The following KCNMA1 variants were observed in gnomAD, a reference collection of about 807,000 sequenced individuals.
The protein encoded by KCNMA1 is potassium calcium-activated channel subfamily M alpha 1, also known as Calcium-activated potassium channel subunit alpha-1.
A neutral mutation model predicts 140.0 loss-of-function variants in KCNMA1; 29 were observed. The ratio of observed to expected loss-of-function variants is 0.21; its 90% CI spans 0.15 to 0.28. KCNMA1 has a LOEUF of 0.28. Ranked by LOEUF, KCNMA1 falls within the 10% of genes least tolerant of loss-of-function variation. KCNMA1 has a pLI of 1.00. For synonymous variants in KCNMA1, 612 were observed against 611.9 expected, an observed-to-expected ratio of 1.00 and a Z score of 0.00; for missense variants, 880 against 1,602.2, an observed-to-expected ratio of 0.55 and a Z score of 7.70.
intron 1 of KCNMA1, among the ~76,000 whole-genome samples, chr10:77,472,082 C>CCA (rs889132691): frequency 6.7e-6 from 1 of 150,140 alleles, no homozygotes; most frequent in Non-Finnish European, 1.5e-5. Flanking sequence ...CATACACATA[C>CCA]CACACACACA....
intron 20 of KCNMA1, among the ~76,000 whole-genome samples, chr10:76,961,847 G>C (rs1276829877): frequency 6.6e-6 from 1 of 152,196 alleles, no homozygotes; most frequent in African/African-American, 2.4e-5. Context: ...CTACAGAAGA[G>C]TGTAAACCTA....
intron 1 of KCNMA1, among the ~76,000 whole-genome samples, chr10:77,463,877 G>T (rs1206286959): frequency 6.6e-6 from 1 of 152,128 alleles, no homozygotes; most frequent in Non-Finnish European, 1.5e-5. Context: ...GGAGCTGGAA[G>T]GGCTACTCCC....
At chr10:76,900,390 A>G (rs1331721452) in intron 25 of KCNMA1, among the ~76,000 whole-genome samples, 1 of 152,122 alleles carries the variant, frequency 6.6e-6, no homozygotes, top group Non-Finnish European at 1.5e-5. Context: ...AGACGTATTT[A>G]TGTGAAAGTA....
At chr10:77,484,433 G>A (rs1055009614) in intron 1 of KCNMA1, among the ~76,000 whole-genome samples, 1 of 152,264 alleles carries the variant, frequency 6.6e-6, no homozygotes, top group Non-Finnish European at 1.5e-5. Flanking sequence ...ACTGAGGCTA[G>A]ATATGCAGTA....
At chr10:77,013,926 A>G (rs1384473588) in intron 17 of KCNMA1, among the ~76,000 whole-genome samples, 2 of 152,202 alleles carry the variant, frequency 1.3e-5, no homozygotes, top group East Asian at 3.8e-4. Flanking sequence ...TTGTGAAAAG[A>G]TAAAGTTTGA....
intron 5 of KCNMA1, among the ~76,000 whole-genome samples, chr10:77,137,794 T>A (rs972022755): frequency 7.2e-5 from 11 of 152,164 alleles, no homozygotes; most frequent in African/African-American, 1.9e-4. Flanking sequence ...TTTAAAAAAA[T>A]TTTTTGAGAC....
At chr10:77,083,085 G>C (rs1255530692) in intron 12 of KCNMA1, among the ~76,000 whole-genome samples, 1 of 152,138 alleles carries the variant, frequency 6.6e-6, no homozygotes, top group African/African-American at 2.4e-5. Flanking sequence ...CCAAGCCACC[G>C]GTAGAGGGGG....
intron 2 of KCNMA1, among the ~76,000 whole-genome samples, chr10:77,326,627 T>C (rs569508543): frequency 6.6e-6 from 1 of 152,318 alleles, no homozygotes; most frequent in East Asian, 1.9e-4. Flanking sequence ...CCACTGCTTA[T>C]AGTGGTCTTG....
intron 1 of KCNMA1, among the ~76,000 whole-genome samples, chr10:77,585,283 G>T (rs1470570119): frequency 6.6e-6 from 1 of 152,152 alleles, no homozygotes; most frequent in Non-Finnish European, 1.5e-5. Context: ...CTAGCCGGGT[G>T]ACCTGAAGCA....
At chr10:77,506,147 C>T (rs1385591029) in intron 1 of KCNMA1, among the ~76,000 whole-genome samples, 1 of 152,174 alleles carries the variant, frequency 6.6e-6, no homozygotes, top group Non-Finnish European at 1.5e-5. Context: ...GGGTGAATCA[C>T]TCTTTGGTGA....
At chr10:77,439,671 G>A (rs545129406) in intron 1 of KCNMA1, among the ~76,000 whole-genome samples, 6 of 152,272 alleles carry the variant, frequency 3.9e-5, no homozygotes, top group South Asian at 2.1e-4. Flanking sequence ...GGCAGTACTC[G>A]GAAAAGGGCA....
intron 23 of KCNMA1, among the ~76,000 whole-genome samples, chr10:76,922,880 T>TG (rs2056389057): frequency 6.6e-6 from 1 of 152,322 alleles, no homozygotes; most frequent in Admixed American, 6.5e-5. Context: ...AAATGATTCA[T>TG]GCTGGCCTGA....
Position 77,403,843 on chromosome 10 carries a change from G to A in KCNMA1, c.540+19C>T. On this transcript the variant is annotated intron_variant, in intron 2 of 27. Transcript: ENST00000286628. ...CAGACAGCAAGGCCTCCTGGTGTGAGAAGTGGGTGGAGACTCACCAGGACT... is the reference window on the plus strand; with the variant it reads ...CAGACAGCAAGGCCTCCTGGTGTGAAAAGTGGGTGGAGACTCACCAGGACT... 2 of 1,606,554 alleles carry A rather than the reference G, an allele frequency of 1.2e-6. No individual in the cohort carries two copies. The highest frequency in any genetic ancestry group is 1.7e-6 in the Non-Finnish European group (2 of 1,174,812).
chr10:77,104,925 A>AAGG (rs1028432358), intron 9 of KCNMA1, among the ~76,000 whole-genome samples: 3 of 152,182 alleles, frequency 2.0e-5, no homozygotes, highest in African/African-American at 7.2e-5. Flanking sequence ...ACACAAAGGA[A>AAGG]AGGAGGAGGA....
chr10:76,974,399 C>T, intron 19 of KCNMA1: 1 of 791,612 alleles, frequency 1.3e-6, no homozygotes. Context: ...CATCGCTCTT[C>T]TTCAACTGAG....
At chr10:76,897,255 T>C (rs1292951761) in intron 25 of KCNMA1, among the ~76,000 whole-genome samples, 1 of 150,882 alleles carries the variant, frequency 6.6e-6, no homozygotes. Flanking sequence ...AAAAATAACC[T>C]GTCCTGAGCT....
At chr10:76,903,371 C>T (rs2046389325) in intron 25 of KCNMA1, 1 of 152,234 alleles carries the variant, frequency 6.6e-6, no homozygotes, top group Admixed American at 6.5e-5. Context: ...TTGTCATTTT[C>T]CATGTCATAG....
chr10:76,871,547 C>A (rs906789161), exon 28 of KCNMA1: 2 of 152,246 alleles, frequency 1.3e-5, no homozygotes, highest in Non-Finnish European at 2.9e-5. Context: ...GCAACATGAT[C>A]TTTCCAATAT....
chr10:77,635,623 G>A lies in KCNMA1; in HGVS notation c.378+1642C>T, dbSNP rs2093658935. On this transcript the variant is annotated intron_variant, in intron 1 of 27. Coordinates refer to ENST00000286628, the MANE Select transcript of KCNMA1 (RefSeq NM_001161352.2). ...GTTCTCAGCAGGAAGGCTAGTCAGG[G>A]ATCTGGTGTATAGGGCTTTGCTTAA... is the stretch of plus-strand genomic sequence containing the variant. The A allele has an allele frequency of 1.3e-5, 2 of 152,330 alleles. 1 individual carries two copies. Among genetic ancestry groups the A allele is most frequent in the Admixed American group, 1.3e-4 (2 of 15,290 alleles). The allele number at this position is 152,330 out of a possible 1,614,324, so 9.4% of individuals were successfully genotyped here. A position where few individuals can be genotyped will look rare whatever the true frequency, so the allele number is the denominator to read the frequency against.
Sources: allele counts gnomAD v4.1 joint callset (sites outside exome capture counted in the v4.1 genomes callset), GRCh38; gene constraint gnomAD v4.1.1; transcripts MANE v1.5; gene names NCBI Gene and HGNC (gene_info 2026-07-23, HGNC 2026-07-21).